The following CD47 variants were observed in gnomAD, a reference collection of about 807,000 sequenced individuals.
CD47 encodes the protein CD47 molecule, also known as leukocyte surface antigen CD47.
In CD47, 11 loss-of-function variants were observed where a neutral mutation model predicts 44.6. The observed-to-expected ratio is 0.25, with a 90% CI of 0.16 to 0.41. CD47 has a LOEUF of 0.41. Among genes scored for constraint, CD47 ranks in the 10% least tolerant of loss-of-function variants. CD47 has a pLI of 1.00. For synonymous variants in CD47, 140 were observed against 136.3 expected (o/e 1.03, Z -0.19); for missense variants, 306 against 386.7 (o/e 0.79, Z 1.75).
rs115275227 is a variant in CD47, at chr3:108,088,112, G to A, written c.46+2751C>T. 3.4e-3 allele frequency among the ~76,000 whole-genome samples: 519 copies of A among 152,266 alleles called. 5 individuals carry two copies. The highest frequency in any genetic ancestry group is 0.012 in the African/African-American group (495 of 41,558). On this transcript the variant is annotated intron_variant, in intron 1 of 10. Transcript: ENST00000361309. ...ATGTTTATCTTGTATAAAAAGGTAG[G>A]CAGAAACCTAAGACAGGGAAAGTGA...
Position 108,090,995 on chromosome 3 carries a change from G to T in CD47, c.-87C>A. 1 of 962,912 alleles carries T rather than the reference G, an allele frequency of 1.0e-6. No individual in the cohort carries two copies. Among genetic ancestry groups the T allele is most frequent in the Non-Finnish European group, 1.4e-6 (1 of 712,830 alleles). The allele number at this position is 962,912 out of a possible 1,614,324, so 59.6% of individuals were successfully genotyped here. ...GCCGTTACAGGCAGGACCGACCGCCGCCGCGCGTCACAGGCAGGACCCACT... is the reference window on the plus strand; with the variant it reads ...GCCGTTACAGGCAGGACCGACCGCCTCCGCGCGTCACAGGCAGGACCCACT... On this transcript the variant is annotated 5_prime_UTR_variant, in exon 1 of 11. Coordinates refer to ENST00000361309, the MANE Select transcript of CD47 (RefSeq NM_001777.4).
intron 1 of CD47, among the ~76,000 whole-genome samples, chr3:108,081,684 G>T (rs1430685315): frequency 2.0e-5 from 3 of 152,050 alleles, no homozygotes; most frequent in African/African-American, 7.2e-5. Context: ...CTCTTAAGTA[G>T]GAGGATCAAA....
intron 1 of CD47, among the ~76,000 whole-genome samples, chr3:108,087,757 G>C (rs145861046): frequency 7.2e-5 from 11 of 152,270 alleles, no homozygotes; most frequent in African/African-American, 2.4e-4. Flanking sequence ...ACCAGATTCT[G>C]AGTCTTATGC....
intron 2 of CD47, among the ~76,000 whole-genome samples, chr3:108,074,643 CA>C (rs1463414276): frequency 7.6e-6 from 1 of 131,162 alleles, no homozygotes; most frequent in South Asian, 2.3e-4. Flanking sequence ...TGGAACTTAT[CA>C]GTTTGTCACT....
intron 3 of CD47, among the ~76,000 whole-genome samples, chr3:108,066,776 T>C (rs1463547716): frequency 6.6e-6 from 1 of 152,142 alleles, no homozygotes; most frequent in African/African-American, 2.4e-5. Flanking sequence ...AATGTCGACA[T>C]TACTGCAATG....
chr3:108,050,663 T>C, intron 8 of CD47, 61 bp from the exon 9 acceptor site: 1 of 613,252 alleles, frequency 1.6e-6, no homozygotes, highest in South Asian at 2.3e-5. Context: ...CATTTTATAG[T>C]AAAACTTATA....
chr3:108,048,247 T>C (rs2078752645), intron 10 of CD47, among the ~76,000 whole-genome samples: 1 of 152,060 alleles, frequency 6.6e-6, no homozygotes, highest in Non-Finnish European at 1.5e-5. Flanking sequence ...AGGAGGGTAA[T>C]GGCTTATATA....
Position 108,060,981 on chromosome 3 carries a change from A to T in CD47, c.491-129T>A, listed in dbSNP as rs749901571. 1.8e-4 allele frequency: 109 copies of T among 617,230 alleles called. 1 individual carries two copies. Among genetic ancestry groups the T allele is most frequent in the Middle Eastern group, 6.6e-4 (2 of 3,036 alleles). 38.2% of individuals were successfully genotyped at this position (617,230 alleles called of 1,614,324 possible). On this transcript the variant is annotated intron_variant, in intron 3 of 10. Transcript: ENST00000361309. ...ATAACTTATGAGGAACAACTCCTTA[A>T]TATCATCAAGTCACCTCACATCTCT...
intron 6 of CD47, 71 bp downstream of exon 6, chr3:108,058,266 G>A: frequency 3.5e-6 from 3 of 859,262 alleles, no homozygotes; most frequent in Non-Finnish European, 5.1e-6. Context: ...AAGAGAGAAA[G>A]AAAAAGAAAA....
At chr3:108,072,311 G>T (rs1169669068) in intron 2 of CD47, among the ~76,000 whole-genome samples, 1 of 152,110 alleles carries the variant, frequency 6.6e-6, no homozygotes, top group Admixed American at 6.5e-5. Context: ...TATCTCTCAG[G>T]TCACAGGTGA....
In CD47 at chr3:108,044,954, AATGTG is replaced by A. The variant is rs1237757845; in HGVS notation, c.*2329_*2333del. 1 of 152,654 alleles carries A rather than the reference AATGTG, an allele frequency of 6.6e-6. No homozygotes were observed. The highest frequency in any genetic ancestry group is 2.4e-5 in the African/African-American group (1 of 41,446). 9.5% of individuals were successfully genotyped at this position (152,654 alleles called of 1,614,324 possible). ...TGTGCAAAACACTGTCTGCAATTTA[AATGTG>A]ATGTGATGGAATTTGGGAGCCATTA... On this transcript the variant is annotated 3_prime_UTR_variant, in exon 11 of 11. Transcript: ENST00000361309.
At position 108,079,567 on chromosome 3, in the gene CD47, T is replaced by TAAAAA. The variant is rs71629342; in HGVS notation, c.400+419_400+423dup. Among the ~76,000 whole-genome samples, 154 of 53,086 alleles carry TAAAAA rather than the reference T, an allele frequency of 2.9e-3. 11 individuals are homozygous for TAAAAA. Among genetic ancestry groups the TAAAAA allele is most frequent in the East Asian group, 0.021 (21 of 998 alleles). The allele number at this position is 53,086 out of a possible 152,430, so 34.8% of individuals were successfully genotyped here. On this transcript the variant is annotated intron_variant, in intron 2 of 10. Transcript: ENST00000361309. ...TCATCCCTTGGTCAAAGTGTAAGGT[T>TAAAAA]AAAAAAAAAAAAAAAAAAAAAAAAA...
chr3:108,060,104 A>G (rs746972444), intron 4 of CD47, among the ~76,000 whole-genome samples: 1 of 152,200 alleles, frequency 6.6e-6, no homozygotes, highest in Non-Finnish European at 1.5e-5. Context: ...TGCAACTGCC[A>G]ATTTCCAGAC....
At chr3:108,072,000 C>T (rs9881756) in intron 2 of CD47, among the ~76,000 whole-genome samples, 19,051 of 152,194 alleles carry the variant, frequency 0.13, 1,499 homozygotes, top group Middle Eastern at 0.2. Flanking sequence ...TCACATGTTA[C>T]TTTTATCATA....
intron 3 of CD47, among the ~76,000 whole-genome samples, chr3:108,068,705 T>C (rs539789696): frequency 1.3e-5 from 2 of 152,292 alleles, no homozygotes; most frequent in East Asian, 1.9e-4. Flanking sequence ...TCTATGCCCA[T>C]AGAGTTTCTG....
chr3:108,043,643 T>G lies in CD47; in HGVS notation c.*3645A>C, dbSNP rs1026908844. 1 of 152,632 alleles carries G rather than the reference T, an allele frequency of 6.6e-6. No homozygotes were observed. The highest frequency in any genetic ancestry group is 2.4e-5 in the African/African-American group (1 of 41,460). 9.5% of individuals were successfully genotyped at this position (152,632 alleles called of 1,614,324 possible). A position where few individuals can be genotyped will look rare whatever the true frequency, so the allele number is the denominator to read the frequency against. On this transcript the variant is annotated 3_prime_UTR_variant, in exon 11 of 11. Coordinates refer to ENST00000361309, the MANE Select transcript of CD47 (RefSeq NM_001777.4). ...ATTTATACGATGTGGGATCTAATTC[T>G]CAACAATGGCTTTTTGTAAATAATG... is the stretch of plus-strand genomic sequence containing the variant.
intron 1 of CD47, among the ~76,000 whole-genome samples, chr3:108,086,892 G>A (rs1459760528): frequency 3.3e-5 from 5 of 152,176 alleles, no homozygotes; most frequent in Non-Finnish European, 5.9e-5. Context: ...GTGGTAGACA[G>A]GTTGTCCTTT....
chr3:108,084,161 C>T (rs1302193299), intron 1 of CD47, among the ~76,000 whole-genome samples: 1 of 152,004 alleles, frequency 6.6e-6, no homozygotes, highest in Non-Finnish European at 1.5e-5. Flanking sequence ...TTCCTCACTT[C>T]CAATTCACTC....
In CD47 at chr3:108,044,307, C is replaced by T. The variant is rs1182984020; in HGVS notation, c.*2981G>A. 2 of 151,672 alleles carry T rather than the reference C, an allele frequency of 1.3e-5. No individual in the cohort carries two copies. Among genetic ancestry groups the T allele is most frequent in the African/African-American group, 2.4e-5 (1 of 41,242 alleles). The allele number at this position is 151,672 out of a possible 1,614,324, so 9.4% of individuals were successfully genotyped here. The stretch of plus-strand genomic sequence containing the variant: ...AGAAATATTTCCAATTACGGGATAG[C>T]CCTGTTATTTTAATTCTGACATTCT... On this transcript the variant is annotated 3_prime_UTR_variant, in exon 11 of 11. Coordinates refer to ENST00000361309, the MANE Select transcript of CD47 (RefSeq NM_001777.4).
Sources: gnomAD v4.1 joint callset for allele counts (sites outside exome capture counted in the v4.1 genomes callset) on GRCh38, gnomAD v4.1.1 for gene constraint, MANE v1.5 for transcripts, NCBI Gene and HGNC (gene_info 2026-07-23, HGNC 2026-07-21) for gene names.